Variants in VWF observed in about 807,000 individuals in gnomAD.
VWF encodes the protein Factor VIII related antigen.
In VWF, 176 loss-of-function variants were observed where a neutral mutation model predicts 308.6. The observed-to-expected ratio is 0.57, with a 90% confidence interval of 0.50 to 0.65. The LOEUF is 0.65. VWF is among the 30% of genes least tolerant of loss of function. The pLI is 0.00. For synonymous variants in VWF, 1,385 were observed against 1,443.4 expected (o/e 0.96, Z 0.92); for missense variants, 3,146 against 3,648.2 (o/e 0.86, Z 3.55).
chr12:6,005,308 C>A (rs1943913473), intron 34 of VWF, among the ~76,000 whole-genome samples: 1 of 152,118 alleles, frequency 6.6e-6, no homozygotes, highest in Admixed American at 6.5e-5. Context: ...TAAGCCCATG[C>A]ACATATGAAA....
Position 6,063,020 on chromosome 12 carries a change from G to T in VWF, c.1467C>A (p.Ser489=). 6.2e-7 allele frequency: 1 copy of T among 1,613,662 alleles called. No individual in the cohort carries two copies. The part of the protein sequence containing the change: ...DLRIQHTVTA[S]VRLSYGEDLQ... The stretch of plus-strand genomic sequence containing the variant: ...GGTCCTCCCCGTAGCTGAGGCGCAC[G>T]GAGGCCGTCACTGTATGCTGGATGC... The change falls in exon 13 of 52, where the codon TCC becomes TCA. Residue 489 remains serine, a synonymous_variant. Transcript: ENST00000261405. The surrounding 1 kb of genome is among the most constrained non-coding windows in gnomAD (Gnocchi z 4.9).
At chr12:6,040,943 C>T (rs1362204851) in intron 18 of VWF, among the ~76,000 whole-genome samples, 3 of 152,302 alleles carry the variant, frequency 2.0e-5, no homozygotes, top group East Asian at 1.9e-4. Context: ...AGACAATCTT[C>T]GGCTGAGAAC....
Position 6,029,382 on chromosome 12 carries a change from C to A in VWF, c.2927G>T (p.Arg976Leu). 1.9e-6 allele frequency: 3 copies of A among 1,614,126 alleles called. No individual in the cohort carries two copies. The highest frequency in any genetic ancestry group is 1.1e-5 in the South Asian group (1 of 91,074). Residue 976 changes from arginine to leucine, a missense_variant, in exon 22 of 52, where the codon CGC (arginine) becomes CTC (leucine). This residue lies in a region of VWF where 1,304 missense variants were observed against 1,353.0 expected (regional missense o/e 0.96). Transcript: ENST00000261405. ...CAGGACCACGGAGATGCTCAGGTGGCGGTCCCAGACCACGGAGAGGGCTTT... is the reference window on the plus strand; with the variant it reads ...CAGGACCACGGAGATGCTCAGGTGGAGGTCCCAGACCACGGAGAGGGCTTT... ...LGKALSVVWDRHLSISVVLKQ... is the reference protein window; with the variant it reads ...LGKALSVVWDLHLSISVVLKQ...
chr12:5,981,582 C>T (rs774053188), intron 42 of VWF, among the ~76,000 whole-genome samples: 2 of 152,246 alleles, frequency 1.3e-5, no homozygotes, highest in South Asian at 4.2e-4. Flanking sequence ...TGACTGCCCC[C>T]CAACCAAGCC....
chr12:6,036,515 C>A (rs372652024), intron 18 of VWF, 24 bp from the exon 19 acceptor site: 7 of 1,608,768 alleles, frequency 4.4e-6, no homozygotes, highest in Non-Finnish European at 6.0e-6. Context: ...ATCCAAAAGT[C>A]CTCAGGGCCA....
chr12:5,988,585 G>A (rs903120670), intron 38 of VWF, among the ~76,000 whole-genome samples: 1 of 152,210 alleles, frequency 6.6e-6, no homozygotes. Flanking sequence ...AAAAGCAGGT[G>A]TCCAACCTCC....
intron 20 of VWF, 63 bp downstream of exon 20, chr12:6,034,625 G>A: frequency 1.9e-6 from 3 of 1,611,662 alleles, no homozygotes; most frequent in Non-Finnish European, 2.5e-6. Context: ...CCCAACCTGA[G>A]GCCACACCTC....
At chr12:6,090,168 A>T (rs1945015698) in intron 6 of VWF, among the ~76,000 whole-genome samples, 1 of 152,152 alleles carries the variant, frequency 6.6e-6, no homozygotes, top group African/African-American at 2.4e-5. Context: ...CATGTTAGCC[A>T]GGATGGTCTC....
intron 5 of VWF, among the ~76,000 whole-genome samples, chr12:6,103,246 T>C (rs1945187511): frequency 6.6e-6 from 1 of 152,064 alleles, no homozygotes; most frequent in African/African-American, 2.4e-5. Context: ...GAGAATGGCA[T>C]GAACCCAGGA....
intron 22 of VWF, among the ~76,000 whole-genome samples, chr12:6,027,875 C>CACACAA (rs748290877): frequency 1.2e-3 from 102 of 87,720 alleles, no homozygotes; most frequent in Non-Finnish European, 2.0e-3. Context: ...CACACACACA[C>CACACAA]ACACACACCC....
chr12:6,102,501 C>T (rs1945175969), intron 5 of VWF, among the ~76,000 whole-genome samples: 1 of 152,226 alleles, frequency 6.6e-6, no homozygotes, highest in East Asian at 1.9e-4. Flanking sequence ...CTGTGGGAGG[C>T]CGAGGCAGGC....
At chr12:6,116,430 C>T (rs1483602119) in intron 3 of VWF, among the ~76,000 whole-genome samples, 2 of 152,234 alleles carry the variant, frequency 1.3e-5, no homozygotes, top group African/African-American at 2.4e-5. Flanking sequence ...TGCATTTCCA[C>T]TAAACACTCT....
rs1402135525 is a variant in VWF, at chr12:5,957,879, CA to C, written c.7888-4286del. ...TTCACTTTTTAAATTCCATATAAGA[CA>C]AATGACTGTTTAAAGCAAAAATAAT... On this transcript the variant is annotated intron_variant, in intron 47 of 51. Coordinates refer to ENST00000261405, the MANE Select transcript of VWF (RefSeq NM_000552.5). 2.0e-5 allele frequency among the ~76,000 whole-genome samples: 3 copies of C among 152,202 alleles called. No homozygotes were observed. In the East Asian group the frequency reaches 5.8e-4, roughly 29 times the overall value.
intron 34 of VWF, 104 bp from the exon 35 acceptor site, chr12:5,996,326 T>C (rs541681577): frequency 3.6e-5 from 38 of 1,061,782 alleles, no homozygotes; most frequent in South Asian, 2.3e-4. Context: ...ATAAATACAG[T>C]AGAGAATGGA....
In VWF at chr12:5,949,462, T is replaced by C. The variant is rs541127917; in HGVS notation, c.8254-259A>G. Among the ~76,000 whole-genome samples, 4 of 152,354 alleles carry C rather than the reference T, an allele frequency of 2.6e-5. No homozygotes were observed. In the South Asian group the frequency reaches 8.3e-4, roughly 32 times the overall value. ...GCATGTTAATGCATAAAATGTTTTA[T>C]GCCTGATTATGCATGTTTTATGCAG... is the stretch of plus-strand genomic sequence containing the variant. On this transcript the variant is annotated intron_variant, in intron 51 of 51. Coordinates refer to ENST00000261405, the MANE Select transcript of VWF (RefSeq NM_000552.5).
chr12:6,031,168 C>T (rs1944257361), intron 21 of VWF, among the ~76,000 whole-genome samples: 1 of 152,220 alleles, frequency 6.6e-6, no homozygotes, highest in South Asian at 2.1e-4. Context: ...GAGGTGAGCA[C>T]TGGTTCTTCC....
chr12:5,983,555 G>A (rs28455627), intron 40 of VWF, among the ~76,000 whole-genome samples: 11,347 of 151,888 alleles, frequency 0.075, 618 homozygotes, highest in East Asian at 0.25. Flanking sequence ...ATGATAGATA[G>A]AGGATAGATG....
intron 1 of VWF, among the ~76,000 whole-genome samples, chr12:6,123,442 C>A (rs1284761684): frequency 6.6e-6 from 1 of 152,184 alleles, no homozygotes; most frequent in Non-Finnish European, 1.5e-5. Flanking sequence ...CCACAGACAG[C>A]AGTCCCAGGC....
chr12:5,976,251 G>A lies in VWF; in HGVS notation c.7297C>T (p.His2433Tyr), dbSNP rs1943532147. The A allele has an allele frequency of 1.9e-6, 3 of 1,613,988 alleles. No individual in the cohort carries two copies. The highest frequency in any genetic ancestry group is 2.5e-6 in the Non-Finnish European group (3 of 1,180,034). ...CCCACAGGGTAGATGGTGCTTCGGT[G>A]GACACACACCTGTAGACATAAGTTT... ...TTCLPDKVCV[H>Y]RSTIYPVGQF... The change falls in exon 43 of 52, where the codon CAC becomes TAC. Residue 2433 changes from histidine (H) to tyrosine (Y), a missense_variant. By Grantham distance (83) the His-to-Tyr change is moderately conservative. This residue lies in a region of VWF where 989 missense variants were observed against 1,117.4 expected (regional missense o/e 0.89). Coordinates refer to ENST00000261405, the MANE Select transcript of VWF (RefSeq NM_000552.5).
Sources: allele counts gnomAD v4.1 joint callset (sites outside exome capture counted in the v4.1 genomes callset), GRCh38; gene constraint gnomAD v4.1.1; regional missense constraint gnomAD v4.1.1; non-coding constraint Gnocchi (gnomAD v3.1); transcripts MANE v1.5; gene names NCBI Gene and HGNC (gene_info 2026-07-23, HGNC 2026-07-21).